The following IFT88 variants were observed in gnomAD, a reference collection of about 807,000 sequenced individuals.
IFT88 encodes the protein intraflagellar transport protein 88 homolog.
IFT88 carries 74 observed loss-of-function variants against 119.5 expected under a neutral mutation model. The observed-to-expected ratio is 0.62, with a 90% CI of 0.51 to 0.75. IFT88 has a LOEUF of 0.75. IFT88 is among the 30% of genes least tolerant of loss of function. The pLI, the probability that IFT88 is intolerant of heterozygous loss-of-function variation, is 0.00. For missense variants in IFT88, 961 were observed against 977.7 expected, an observed-to-expected ratio of 0.98 and a Z score of 0.23; for synonymous variants, 279 against 316.7, an observed-to-expected ratio of 0.88 and a Z score of 1.26.
At chr13:20,596,319 G>A in intron 8 of IFT88, 79 bp downstream of exon 8, 2 of 516,282 alleles carry the variant, frequency 3.9e-6, no homozygotes, top group Non-Finnish European at 6.7e-6. Context: ...CGTATGTATA[G>A]ACAAATATTT....
chr13:20,674,301 C>T (rs2056337669), intron 24 of IFT88, among the ~76,000 whole-genome samples: 1 of 152,134 alleles, frequency 6.6e-6, no homozygotes, highest in South Asian at 2.1e-4. Context: ...TATATTCTGT[C>T]CATTGTTTTG....
chr13:20,599,432 T>C lies in IFT88; in HGVS notation c.698-19T>C, dbSNP rs764153311. On this transcript the variant is annotated intron_variant, in intron 10 of 25. Coordinates refer to ENST00000351808, the MANE Select transcript of IFT88 (RefSeq NM_006531.5). Reference sequence around the variant, plus strand: ...GAAAAATGAGAGTATTATACATTCATTAAATTTTTTTAAATTAGGAATATT... The same window carrying C: ...GAAAAATGAGAGTATTATACATTCACTAAATTTTTTTAAATTAGGAATATT... 2.3e-6 allele frequency: 2 copies of C among 879,980 alleles called. No individual in the cohort carries two copies. Among genetic ancestry groups the C allele is most frequent in the South Asian group, 1.6e-5 (1 of 63,874 alleles). 54.5% of individuals were successfully genotyped at this position (879,980 alleles called of 1,614,324 possible).
chr13:20,590,963 C>G lies in IFT88; in HGVS notation c.211-4C>G. The G allele has an allele frequency of 4.4e-6, 7 of 1,602,458 alleles. No individual in the cohort carries two copies. The highest frequency in any genetic ancestry group is 6.0e-6 in the Non-Finnish European group (7 of 1,171,996). On this transcript the variant is annotated splice_polypyrimidine_tract_variant and splice_region_variant and intron_variant, in intron 4 of 25. Coordinates refer to ENST00000351808, the MANE Select transcript of IFT88 (RefSeq NM_006531.5). ...CTTTTTAACTTAACTTTTCTGTTTA[C>G]TAGTCCAAGACATCTCTGGCATCAT...
chr13:20,652,453 A>G (rs755171034), intron 20 of IFT88, among the ~76,000 whole-genome samples: 2 of 151,916 alleles, frequency 1.3e-5, no homozygotes, highest in African/African-American at 2.4e-5. Context: ...CCTGGGCAAC[A>G]TGGCAAAACT....
intron 11 of IFT88, among the ~76,000 whole-genome samples, chr13:20,599,986 G>T (rs1336252560): frequency 1.3e-5 from 2 of 152,166 alleles, no homozygotes; most frequent in East Asian, 3.9e-4. Context: ...GGGAAGCTGG[G>T]ATATTTTCTA....
chr13:20,645,615 A>G (rs2050627467), intron 20 of IFT88, among the ~76,000 whole-genome samples: 1 of 152,140 alleles, frequency 6.6e-6, no homozygotes, highest in African/African-American at 2.4e-5. Context: ...AATACAAGAC[A>G]GTTTTGTTGG....
At position 20,667,101 on chromosome 13, in the gene IFT88, G is replaced by A. The variant is rs573484687; in HGVS notation, c.2175+3497G>A. On this transcript the variant is annotated intron_variant, in intron 23 of 25. Coordinates refer to ENST00000351808, the MANE Select transcript of IFT88 (RefSeq NM_006531.5). The stretch of plus-strand genomic sequence containing the variant: ...ACATGGCTGTTTCCTGCACATCTTA[G>A]CGTTGAAGTGATAAGAATCATTTAT... Among the ~76,000 whole-genome samples, 8 of 152,206 alleles carry A rather than the reference G, an allele frequency of 5.3e-5. No homozygotes were observed. The South Asian group carries it at 1.5e-3, about 28-fold the overall frequency.
intron 3 of IFT88, among the ~76,000 whole-genome samples, chr13:20,588,649 G>A (rs1272364466): frequency 6.6e-6 from 1 of 152,158 alleles, no homozygotes; most frequent in Non-Finnish European, 1.5e-5. Flanking sequence ...GTGGCCAATG[G>A]CTGTCTTATC....
chr13:20,577,982 C>T (rs909530365), intron 2 of IFT88, among the ~76,000 whole-genome samples: 3 of 149,404 alleles, frequency 2.0e-5, no homozygotes, highest in Admixed American at 6.7e-5. Context: ...CATCAGGTGC[C>T]GAGCTTTTCT....
chr13:20,626,043 C>CTTTTTTTTTTT lies in IFT88; in HGVS notation c.1299+219_1299+229dup, dbSNP rs528587128. Among the ~76,000 whole-genome samples, 5 of 39,574 alleles carry CTTTTTTTTTTT rather than the reference C, an allele frequency of 1.3e-4. 1 individual carries two copies. Among genetic ancestry groups the CTTTTTTTTTTT allele is most frequent in the African/African-American group, 2.3e-4 (2 of 8,582 alleles). The allele number at this position is 39,574 out of a possible 152,430, so 26.0% of individuals were successfully genotyped here. A position where few individuals can be genotyped will look rare whatever the true frequency, so the allele number is the denominator to read the frequency against. On this transcript the variant is annotated intron_variant, in intron 15 of 25. Transcript: ENST00000351808. ...ATTAATTTTTGCCTGTTTGTCGTTTCTTTTTTTTTTTTTTTTTTTTTTTTT... is the reference window on the plus strand; with the variant it reads ...ATTAATTTTTGCCTGTTTGTCGTTTCTTTTTTTTTTTTTTTTTTTTTTTTTTTTTTTTTTTT...
At chr13:20,667,330 G>A (rs1049627181) in intron 23 of IFT88, among the ~76,000 whole-genome samples, 1 of 152,164 alleles carries the variant, frequency 6.6e-6, no homozygotes, top group Non-Finnish European at 1.5e-5. Flanking sequence ...GTTTACAAGT[G>A]TTTACTGTGC....
intron 20 of IFT88, among the ~76,000 whole-genome samples, chr13:20,646,120 A>G (rs1192472090): frequency 6.6e-6 from 1 of 152,124 alleles, no homozygotes; most frequent in African/African-American, 2.4e-5. Context: ...GATGTTGATT[A>G]ACAGTCAGTC....
intron 24 of IFT88, among the ~76,000 whole-genome samples, chr13:20,684,449 CCTT>C (rs1470022576): frequency 1.3e-5 from 2 of 152,190 alleles, no homozygotes; most frequent in Non-Finnish European, 2.9e-5. Context: ...GTTACACTCT[CCTT>C]CTTCCTCTGA....
intron 24 of IFT88, among the ~76,000 whole-genome samples, chr13:20,687,770 A>G (rs2058085694): frequency 6.6e-6 from 1 of 152,212 alleles, no homozygotes; most frequent in Non-Finnish European, 1.5e-5. Flanking sequence ...AAATAAAATG[A>G]AAAAAACTTC....
intron 24 of IFT88, among the ~76,000 whole-genome samples, chr13:20,677,021 G>A (rs945881068): frequency 4.0e-5 from 6 of 151,852 alleles, no homozygotes; most frequent in Admixed American, 6.6e-5. Context: ...ATTTTCTCAC[G>A]TTTTCTAGCC....
intron 3 of IFT88, among the ~76,000 whole-genome samples, chr13:20,584,878 T>G (rs1227845384): frequency 6.6e-6 from 1 of 152,184 alleles, no homozygotes; most frequent in Non-Finnish European, 1.5e-5. Context: ...GAGAGATATT[T>G]TCAGTTGTCA....
chr13:20,581,002 G>A (rs1394767840), intron 2 of IFT88, among the ~76,000 whole-genome samples: 2 of 152,100 alleles, frequency 1.3e-5, no homozygotes, highest in African/African-American at 4.8e-5. Flanking sequence ...TGGGATTACA[G>A]GCATGAGCCA....
intron 24 of IFT88, among the ~76,000 whole-genome samples, chr13:20,678,167 T>C (rs978299588): frequency 1.3e-5 from 2 of 152,134 alleles, no homozygotes; most frequent in African/African-American, 4.8e-5. Context: ...TGCAGGGAGG[T>C]AGAGAAGAGG....
intron 12 of IFT88, among the ~76,000 whole-genome samples, chr13:20,603,658 G>T (rs1184827500): frequency 6.6e-6 from 1 of 152,186 alleles, no homozygotes; most frequent in African/African-American, 2.4e-5. Flanking sequence ...CACTTTGGGA[G>T]GCCGAGGTGG....
Sources: gnomAD v4.1 joint callset for allele counts (sites outside exome capture counted in the v4.1 genomes callset) on GRCh38, gnomAD v4.1.1 for gene constraint, MANE v1.5 for transcripts, NCBI Gene and HGNC (gene_info 2026-07-23, HGNC 2026-07-21) for gene names.